SLC36A1: variants seen among roughly 807,000 people sequenced by gnomAD.
SLC36A1 encodes proton-coupled amino acid transporter 1.
A neutral mutation model predicts 47.5 loss-of-function variants in SLC36A1; 30 were observed. The ratio of observed to expected loss-of-function variants is 0.63; its 90% CI spans 0.47 to 0.86. The LOEUF (loss-of-function observed/expected upper bound fraction) is 0.86, where lower values mean the gene tolerates loss of function less well. Ranked by LOEUF, SLC36A1 falls within the 40% of genes least tolerant of loss-of-function variation. The probability of loss-of-function intolerance (pLI) is 0.00; values close to 1 mark genes in which losing one functional copy is unlikely to be tolerated. For missense variants in SLC36A1, 517 were observed against 606.0 expected (o/e 0.85, Z 1.54); for synonymous variants, 255 against 249.7 (o/e 1.02, Z -0.20).
At chr5:151,460,799 T>C (rs1283082365) in intron 2 of SLC36A1, among the ~76,000 whole-genome samples, 1 of 149,880 alleles carries the variant, frequency 6.7e-6, no homozygotes, top group Non-Finnish European at 1.5e-5. Flanking sequence ...CTGGGTTCCT[T>C]TTATATTTCT....
At chr5:151,546,723 CT>C in the SLC36A1 span, among the ~76,000 whole-genome samples, 582 of 145,528 alleles carry the variant, frequency 4.0e-3, 2 homozygotes, top group Non-Finnish European at 4.1e-3. Context: ...TTTTGTATAA[CT>C]TTTTTTTTTT....
chr5:151,461,731 A>G (rs1755546702), intron 2 of SLC36A1, among the ~76,000 whole-genome samples: 1 of 152,236 alleles, frequency 6.6e-6, no homozygotes. Flanking sequence ...TGTATTTTTC[A>G]CTGCCACACA....
chr5:151,410,319 A>G, the SLC36A1 span, among the ~76,000 whole-genome samples: 1 of 144,432 alleles, frequency 6.9e-6, no homozygotes, highest in Non-Finnish European at 1.5e-5. Context: ...GGACAGAGAG[A>G]TGACCTAGGC....
the SLC36A1 span, chr5:151,528,106 G>A: frequency 6.2e-7 from 1 of 1,613,894 alleles, no homozygotes; most frequent in African/African-American, 1.3e-5. Context: ...TCACTATTTA[G>A]GGGTCCATCT....
the SLC36A1 span, chr5:151,505,408 G>T: frequency 5.9e-6 from 5 of 840,542 alleles, no homozygotes; most frequent in East Asian, 8.0e-5. Context: ...GGGACTAGGT[G>T]GGGGATTGGA....
At chr5:151,461,357 G>A (rs1042706854) in intron 2 of SLC36A1, among the ~76,000 whole-genome samples, 1 of 152,136 alleles carries the variant, frequency 6.6e-6, no homozygotes, top group African/African-American at 2.4e-5. Context: ...GCTATTGACT[G>A]CTTCGAAGAC....
At chr5:151,369,616 A>G in the SLC36A1 span, among the ~76,000 whole-genome samples, 2 of 152,126 alleles carry the variant, frequency 1.3e-5, no homozygotes, top group Admixed American at 6.6e-5. Context: ...AGCTGGACCT[A>G]CAGGCAGGCA....
chr5:151,362,178 C>T, the SLC36A1 span, among the ~76,000 whole-genome samples: 1 of 152,118 alleles, frequency 6.6e-6, no homozygotes, highest in South Asian at 2.1e-4. Context: ...TGCTCAACTA[C>T]CTCTTGAACA....
the SLC36A1 span, among the ~76,000 whole-genome samples, chr5:151,430,287 C>T: frequency 2.7e-5 from 4 of 150,864 alleles, no homozygotes; most frequent in African/African-American, 9.8e-5. Context: ...GCCTCAGCCT[C>T]CCGAGTAGCT....
chr5:151,504,434 A>G, the SLC36A1 span: 1 of 152,652 alleles, frequency 6.6e-6, no homozygotes, highest in Non-Finnish European at 1.5e-5. Flanking sequence ...CGTACTATCC[A>G]TGGGCACCCA....
the SLC36A1 span, among the ~76,000 whole-genome samples, chr5:151,429,835 C>T: frequency 1.9e-3 from 283 of 152,298 alleles, 2 homozygotes; most frequent in African/African-American, 6.7e-3. Context: ...AAACAGACCT[C>T]AAGCAGGCTG....
At chr5:151,551,646 G>T in the SLC36A1 span, 4 of 1,610,462 alleles carry the variant, frequency 2.5e-6, no homozygotes, top group Non-Finnish European at 3.4e-6. Context: ...CAACCTCAGT[G>T]ATTTAGGCAG....
the SLC36A1 span, among the ~76,000 whole-genome samples, chr5:151,365,458 A>T: frequency 6.6e-6 from 1 of 152,220 alleles, no homozygotes; most frequent in Non-Finnish European, 1.5e-5. Flanking sequence ...CAAAGTCACA[A>T]TTGGCCCCAC....
At chr5:151,427,462 T>C in the SLC36A1 span, among the ~76,000 whole-genome samples, 1 of 152,244 alleles carries the variant, frequency 6.6e-6, no homozygotes, top group Non-Finnish European at 1.5e-5. Flanking sequence ...TCACACTTTC[T>C]GTCCTGAGTC....
chr5:151,469,258 G>A (rs879602714), intron 7 of SLC36A1: 9 of 700,790 alleles, frequency 1.3e-5, no homozygotes, highest in Non-Finnish European at 2.3e-5. Context: ...CCTGTGAATG[G>A]ATTTACAGCC....
chr5:151,396,329 C>A, the SLC36A1 span, among the ~76,000 whole-genome samples: 1 of 150,552 alleles, frequency 6.6e-6, no homozygotes, highest in East Asian at 2.0e-4. Flanking sequence ...TCTCGAACTC[C>A]TGACCTTGTG....
the SLC36A1 span, chr5:151,505,533 C>G: frequency 4.3e-6 from 7 of 1,612,924 alleles, no homozygotes; most frequent in East Asian, 1.6e-4. Context: ...CAGTCCTTGG[C>G]CTCCCGCCTG....
At chr5:151,544,886 C>T in the SLC36A1 span, 3 of 1,614,162 alleles carry the variant, frequency 1.9e-6, no homozygotes, top group East Asian at 6.7e-5. Context: ...TCTGTGCCAT[C>T]TTGGATGATT....
the SLC36A1 span, among the ~76,000 whole-genome samples, chr5:151,542,043 C>G: frequency 6.6e-6 from 1 of 152,144 alleles, no homozygotes; most frequent in Non-Finnish European, 1.5e-5. Flanking sequence ...TTTTGCAAAG[C>G]ACTTTCTAAT....
Sources: allele counts gnomAD v4.1 joint callset (sites outside exome capture counted in the v4.1 genomes callset), GRCh38; gene constraint gnomAD v4.1.1; transcripts MANE v1.5; gene names NCBI Gene and HGNC (gene_info 2026-07-23, HGNC 2026-07-21).